TRIP13: variants seen among roughly 807,000 people sequenced by gnomAD.
The protein encoded by TRIP13 is thyroid hormone receptor interactor 13, also known as pachytene checkpoint protein 2 homolog.
TRIP13 carries 25 observed loss-of-function variants against 54.4 expected under a neutral mutation model. The observed-to-expected ratio is 0.46, with a 90% confidence interval of 0.33 to 0.64. The LOEUF is 0.64. Among genes scored for constraint, TRIP13 ranks in the 30% least tolerant of loss-of-function variants. The probability of loss-of-function intolerance (pLI) is 0.02; values close to 1 mark genes in which losing one functional copy is unlikely to be tolerated. For synonymous variants in TRIP13, 207 were observed against 207.8 expected (o/e 1.00, Z 0.03); for missense variants, 373 against 534.2 (o/e 0.70, Z 2.97).
intron 5 of TRIP13, among the ~76,000 whole-genome samples, chr5:903,002 T>C (rs1156597813): frequency 1.3e-5 from 2 of 152,156 alleles, no homozygotes; most frequent in African/African-American, 4.8e-5. Flanking sequence ...GGATGGAACA[T>C]GAAGGCGGAC....
rs958806021 is a variant in TRIP13, at chr5:913,712, A to G, written c.1021-753A>G. On this transcript the variant is annotated intron_variant, in intron 10 of 12. Transcript: ENST00000166345. This position sits in a 1 kb window ranked among gnomAD's most constrained non-coding sequence, Gnocchi z 4.5. The stretch of plus-strand genomic sequence containing the variant: ...TATGAAATTAAGACATGCAGATGTC[A>G]CAGTGGATATTGAACTGGTCTCGAA... 6.6e-6 allele frequency among the ~76,000 whole-genome samples: 1 copy of G among 152,212 alleles called. No homozygotes were observed. The highest frequency in any genetic ancestry group is 2.4e-5 in the African/African-American group (1 of 41,458).
intron 11 of TRIP13, among the ~76,000 whole-genome samples, chr5:914,784 G>A (rs1351146598): frequency 6.6e-6 from 1 of 151,840 alleles, no homozygotes; most frequent in Non-Finnish European, 1.5e-5. Flanking sequence ...CCTTCCAAAG[G>A]AGATGTAACC....
Position 908,229 on chromosome 5 carries a change from C to G in TRIP13, c.760-126C>G. On this transcript the variant is annotated intron_variant, in intron 8 of 12. Coordinates refer to ENST00000166345, the MANE Select transcript of TRIP13 (RefSeq NM_004237.4). The surrounding 1 kb of genome is among the most constrained non-coding windows in gnomAD (Gnocchi z 5.2). ...GCGCCTTTCCACCTTGCCGCAGCAT[C>G]CGCAGGCTAGGCACGGGAACACCCA... is the stretch of plus-strand genomic sequence containing the variant. 1 of 1,402,034 alleles carries G rather than the reference C, an allele frequency of 7.1e-7. No homozygotes were observed. Among genetic ancestry groups the G allele is most frequent in the Non-Finnish European group, 1.0e-6 (1 of 1,003,766 alleles). The allele number at this position is 1,402,034 out of a possible 1,614,324, so 86.8% of individuals were successfully genotyped here.
chr5:906,367 A>G (rs11744864), intron 6 of TRIP13, among the ~76,000 whole-genome samples: 614 of 152,338 alleles, frequency 4.0e-3, no homozygotes, highest in Non-Finnish European at 5.7e-3. Flanking sequence ...TCAAAGAATC[A>G]AAATGTTTTA....
intron 6 of TRIP13, among the ~76,000 whole-genome samples, chr5:905,930 G>T (rs1754105201): frequency 1.3e-5 from 2 of 152,150 alleles, no homozygotes; most frequent in African/African-American, 4.8e-5. Flanking sequence ...GATCTCTAGG[G>T]GCATGCCAGC....
chr5:895,423 G>C (rs533341179), intron 2 of TRIP13, among the ~76,000 whole-genome samples: 1 of 152,160 alleles, frequency 6.6e-6, no homozygotes, highest in African/African-American at 2.4e-5. Flanking sequence ...CTTTGTGTGA[G>C]GGCGTGGAGG....
At chr5:901,223 G>T (rs1580052083) in intron 4 of TRIP13, 118 bp from the exon 5 acceptor site, 7 of 790,014 alleles carry the variant, frequency 8.9e-6, no homozygotes, top group South Asian at 1.8e-5. Flanking sequence ...TTAGGAGGCG[G>T]CCTCGCTCCC....
chr5:907,445 CAG>C lies in TRIP13; in HGVS notation c.672+253_672+254del, dbSNP rs970003539. Among the ~76,000 whole-genome samples, 96 of 152,206 alleles carry C rather than the reference CAG, an allele frequency of 6.3e-4. 4 individuals are homozygous for C. The highest frequency in any genetic ancestry group is 1.3e-4 in the Admixed American group (2 of 15,286). ...CTCTCAGAAGGGCAGGGCTGGCACT[CAG>C]GGGACTGCAGCCCTGCCATGCATGT... is the stretch of plus-strand genomic sequence containing the variant. On this transcript the variant is annotated intron_variant, in intron 7 of 12. Transcript: ENST00000166345. The surrounding 1 kb of genome is among the most constrained non-coding windows in gnomAD (Gnocchi z 4.1).
intron 5 of TRIP13, among the ~76,000 whole-genome samples, chr5:901,747 C>T (rs540743278): frequency 1.9e-3 from 291 of 152,280 alleles, no homozygotes; most frequent in African/African-American, 6.4e-3. Flanking sequence ...CTCAGCCTCC[C>T]GAGTAGCTGG....
At chr5:893,199 G>A in intron 1 of TRIP13, 109 bp downstream of exon 1, 1 of 1,113,794 alleles carries the variant, frequency 9.0e-7, no homozygotes, top group South Asian at 1.4e-5. Flanking sequence ...CCGAACCCCA[G>A]GGTACTGATC....
chr5:894,815 A>G lies in TRIP13; in HGVS notation c.121A>G (p.Ser41Gly). 6.2e-7 allele frequency: 1 copy of G among 1,610,628 alleles called. No homozygotes were observed. The highest frequency in any genetic ancestry group is 8.5e-7 in the Non-Finnish European group (1 of 1,178,844). ...STAKKEDINL[S>G]VRKLLNRHNI... Reference sequence around the variant, plus strand: ...TGCAAAGAAAGAAGACATAAACCTGAGTGTTAGAAAGCTACTCAACAGACA... The same window carrying G: ...TGCAAAGAAAGAAGACATAAACCTGGGTGTTAGAAAGCTACTCAACAGACA... Residue 41 changes from serine (S) to glycine (G), a missense_variant, in exon 2 of 13, where the codon AGT (serine) becomes GGT (glycine). Physicochemically the swap from Ser to Gly is moderately conservative, Grantham distance 56. Around this residue, in one of 4 missense-constraint regions of TRIP13, gnomAD observed 151 missense variants for 151.9 expected, o/e 0.99. Coordinates refer to ENST00000166345, the MANE Select transcript of TRIP13 (RefSeq NM_004237.4).
chr5:915,879 T>G lies in TRIP13; in HGVS notation c.1134-25T>G. ...ACGTGTGATTGTATAAATTGCTGTC[T>G]CTGAACTGGGTTTTCTTTACACAGG... is the stretch of plus-strand genomic sequence containing the variant. On this transcript the variant is annotated intron_variant, in intron 11 of 12. Coordinates refer to ENST00000166345, the MANE Select transcript of TRIP13 (RefSeq NM_004237.4). The surrounding 1 kb of genome is among the most constrained non-coding windows in gnomAD (Gnocchi z 4.2). The G allele has an allele frequency of 6.2e-7, 1 of 1,613,686 alleles. No homozygotes were observed. Among genetic ancestry groups the G allele is most frequent in the Non-Finnish European group, 8.5e-7 (1 of 1,179,624 alleles).
intron 12 of TRIP13, among the ~76,000 whole-genome samples, 199 bp from the exon 13 acceptor site, chr5:916,809 C>A (rs1754350555): frequency 6.6e-6 from 1 of 152,134 alleles, no homozygotes; most frequent in Non-Finnish European, 1.5e-5. Flanking sequence ...CACGTAGCCA[C>A]CTTGTTCGCC....
At chr5:896,410 G>A (rs577584394) in intron 2 of TRIP13, among the ~76,000 whole-genome samples, 77 of 152,134 alleles carry the variant, frequency 5.1e-4, no homozygotes, top group African/African-American at 1.5e-3. Context: ...ATAACGTCCC[G>A]GAGGCTGGAT....
chr5:896,413 G>A (rs1024973912), intron 2 of TRIP13, among the ~76,000 whole-genome samples: 2 of 152,166 alleles, frequency 1.3e-5, no homozygotes, highest in African/African-American at 4.8e-5. Flanking sequence ...ACGTCCCGGA[G>A]GCTGGATTTA....
Position 908,534 on chromosome 5 carries a change from T to G in TRIP13, c.866+73T>G. ...GTCCCAAAGAAATGCGTGATACTTG[T>G]GCAACCCTAGATCTTAGTGCCCAGC... On this transcript the variant is annotated intron_variant, in intron 9 of 12. Coordinates refer to ENST00000166345, the MANE Select transcript of TRIP13 (RefSeq NM_004237.4). This position sits in a 1 kb window ranked among gnomAD's most constrained non-coding sequence, Gnocchi z 5.2. The G allele has an allele frequency of 1.9e-6, 3 of 1,594,024 alleles. No homozygotes were observed. The highest frequency in any genetic ancestry group is 2.6e-6 in the Non-Finnish European group (3 of 1,171,844).
chr5:894,692 T>G, intron 1 of TRIP13, 95 bp from the exon 2 acceptor site: 2 of 1,404,796 alleles, frequency 1.4e-6, no homozygotes, highest in South Asian at 1.5e-5. Context: ...CTACTGGGCT[T>G]TCTTATGTAT....
At chr5:916,955 G>A in intron 12 of TRIP13, 53 bp from the exon 13 acceptor site, 1 of 1,560,070 alleles carries the variant, frequency 6.4e-7, no homozygotes, top group Non-Finnish European at 8.8e-7. Flanking sequence ...GATGCCAGAT[G>A]GCCCCACCAA....
chr5:916,267 C>A (rs553657051), intron 12 of TRIP13, among the ~76,000 whole-genome samples: 5 of 152,196 alleles, frequency 3.3e-5, no homozygotes, highest in African/African-American at 1.2e-4. Flanking sequence ...GCTGGCCTCA[C>A]CAGAGGTTTG....
Sources: allele counts gnomAD v4.1 joint callset (sites outside exome capture counted in the v4.1 genomes callset), GRCh38; gene constraint gnomAD v4.1.1; regional missense constraint gnomAD v4.1.1; non-coding constraint Gnocchi (gnomAD v3.1); transcripts MANE v1.5; gene names NCBI Gene and HGNC (gene_info 2026-07-23, HGNC 2026-07-21).